PKM: variants seen among roughly 807,000 people sequenced by gnomAD.
PKM encodes pyruvate kinase PKM.
PKM carries 18 observed loss-of-function variants against 49.8 expected under a neutral mutation model. The observed-to-expected ratio is 0.36, with a 90% CI of 0.25 to 0.54. PKM has a LOEUF of 0.54. PKM is among the 20% of genes least tolerant of loss of function. The pLI, the probability that PKM is intolerant of heterozygous loss-of-function variation, is 0.89. For missense variants in PKM, 508 were observed against 713.8 expected, an observed-to-expected ratio of 0.71 and a Z score of 3.28; for synonymous variants, 239 against 261.8, an observed-to-expected ratio of 0.91 and a Z score of 0.84.
chr15:72,230,919 G>A, intron 1 of PKM, 197 bp downstream of exon 1: 1 of 1,287,162 alleles, frequency 7.8e-7, no homozygotes, highest in Non-Finnish European at 1.0e-6. Context: ...AAGGAACGGC[G>A]CTGGGGACTT....
chr15:72,203,279 T>A, intron 8 of PKM: 2 of 1,154,216 alleles, frequency 1.7e-6, no homozygotes, highest in South Asian at 2.5e-5. Flanking sequence ...ATGGGGAATT[T>A]ATCAGAGAGG....
Position 72,200,929 on chromosome 15 carries a change from C to A in PKM, c.1308-274G>T, listed in dbSNP as rs536239361. 7 of 422,948 alleles carry A rather than the reference C, an allele frequency of 1.7e-5. No individual in the cohort carries two copies. Among genetic ancestry groups the A allele is most frequent in the African/African-American group, 1.4e-4 (7 of 50,748 alleles). 26.2% of individuals were successfully genotyped at this position (422,948 alleles called of 1,614,324 possible). The stretch of plus-strand genomic sequence containing the variant: ...GCAAGATCAGCCTCACCCACTTACC[C>A]CACACAGCCCATGGTTGGCAGAACC... On this transcript the variant is annotated intron_variant, in intron 9 of 10. Transcript: ENST00000335181. This position sits in a 1 kb window ranked among gnomAD's most constrained non-coding sequence, Gnocchi z 4.6.
At chr15:72,210,290 T>C (rs2082216495) in intron 4 of PKM, 57 bp downstream of exon 4, 1 of 1,589,064 alleles carries the variant, frequency 6.3e-7, no homozygotes, top group Non-Finnish European at 8.6e-7. Context: ...TTGGAGGACA[T>C]GTCTCTGGGG....
At chr15:72,203,953 A>G (rs2082008876) in intron 8 of PKM, 1 of 152,286 alleles carries the variant, frequency 6.6e-6, no homozygotes, top group South Asian at 2.1e-4. Flanking sequence ...ACCAAGAATC[A>G]GAAAGACAAT....
At chr15:72,229,747 T>A (rs2082792354) in intron 1 of PKM, 1 of 1,151,438 alleles carries the variant, frequency 8.7e-7, no homozygotes, top group African/African-American at 1.6e-5. Flanking sequence ...CGTCTAGTCA[T>A]CCTGGTCTCT....
At chr15:72,208,569 A>G (rs1218418456) in intron 6 of PKM, 52 bp downstream of exon 6, 5 of 1,601,352 alleles carry the variant, frequency 3.1e-6, no homozygotes, top group Non-Finnish European at 4.3e-6. Flanking sequence ...AGGATGGACC[A>G]TGCCCTTCGG....
chr15:72,202,702 AAG>A lies in PKM; in HGVS notation c.1141-84_1141-83del. 8.0e-7 allele frequency: 1 copy of A among 1,248,396 alleles called. No homozygotes were observed. The highest frequency in any genetic ancestry group is 1.1e-6 in the Non-Finnish European group (1 of 870,428). The allele number at this position is 1,248,396 out of a possible 1,614,324, so 77.3% of individuals were successfully genotyped here. A position where few individuals can be genotyped will look rare whatever the true frequency, so the allele number is the denominator to read the frequency against. ...TTTGTCACAAAAGGAGAGGGAGGGG[AAG>A]AGTCACCGGACAGCTGGTGAGGAAC... On this transcript the variant is annotated intron_variant, in intron 8 of 10. Transcript: ENST00000335181. The surrounding 1 kb of genome is among the most constrained non-coding windows in gnomAD (Gnocchi z 4.5).
rs117834424 is a variant in PKM, at chr15:72,226,012, C to T, written c.-14+5104G>A. 1.1e-3 allele frequency among the ~76,000 whole-genome samples: 169 copies of T among 152,328 alleles called. 2 individuals carry two copies. Among genetic ancestry groups the T allele is most frequent in the Admixed American group, 1.7e-3 (26 of 15,296 alleles). On this transcript the variant is annotated intron_variant, in intron 1 of 10. Coordinates refer to ENST00000335181, the MANE Select transcript of PKM (RefSeq NM_002654.6). ...TACTGCCAGACTTTTTAAATGTTTG[C>T]CCATCGGTGACATTTGTTTTTCTGC...
chr15:72,221,541 C>T (rs73436397), intron 1 of PKM, among the ~76,000 whole-genome samples: 13 of 150,054 alleles, frequency 8.7e-5, no homozygotes, highest in Admixed American at 4.7e-4. Context: ...TTTAATAGGA[C>T]GTCATTGGGG....
chr15:72,229,720 C>T, intron 1 of PKM: 1 of 1,196,672 alleles, frequency 8.4e-7, no homozygotes, highest in Non-Finnish European at 1.1e-6. Context: ...AGATTGTGAG[C>T]TCGGTGGGCT....
At chr15:72,203,088 A>G (rs754827252) in intron 8 of PKM, 11 of 1,613,988 alleles carry the variant, frequency 6.8e-6, no homozygotes, top group South Asian at 1.1e-5. Flanking sequence ...CACGCTGCCC[A>G]TGGCCATGGC....
intron 9 of PKM, chr15:72,201,848 A>G (rs942319574): frequency 4.3e-5 from 7 of 161,602 alleles, no homozygotes; most frequent in Admixed American, 2.3e-4. Flanking sequence ...CCTAACTAGG[A>G]GAGTGAAGGA....
In PKM at chr15:72,217,463, C is replaced by T. The variant is rs2082404165; in HGVS notation, c.192G>A (p.Met64Ile). 6.2e-7 allele frequency: 1 copy of T among 1,612,982 alleles called. No individual in the cohort carries two copies. Among genetic ancestry groups the T allele is most frequent in the Non-Finnish European group, 8.5e-7 (1 of 1,178,940 alleles). ...ASRSVETLKEMIKSGMNVARL... is the reference protein window; with the variant it reads ...ASRSVETLKEIIKSGMNVARL... Reference sequence around the variant, plus strand: ...GAGCCACATTCATTCCAGACTTAATCATCTCCTTCAACGTCTCCACTGATC... The same window carrying T: ...GAGCCACATTCATTCCAGACTTAATTATCTCCTTCAACGTCTCCACTGATC... Residue 64 changes from methionine to isoleucine, a missense_variant, in exon 3 of 11, where the codon ATG becomes ATA. Coordinates refer to ENST00000335181, the MANE Select transcript of PKM (RefSeq NM_002654.6).
intron 1 of PKM, among the ~76,000 whole-genome samples, chr15:72,230,674 C>T (rs1054804359): frequency 6.6e-6 from 1 of 152,034 alleles, no homozygotes; most frequent in Admixed American, 6.6e-5. Context: ...GGGACACGCA[C>T]AGCTTGAAGA....
chr15:72,217,191 C>T (rs953386553), intron 3 of PKM, among the ~76,000 whole-genome samples: 3 of 152,138 alleles, frequency 2.0e-5, no homozygotes, highest in African/African-American at 7.2e-5. Context: ...CCACAGCCAG[C>T]AACAAAGGGG....
intron 1 of PKM, chr15:72,228,525 G>C: frequency 1.6e-6 from 1 of 616,100 alleles, no homozygotes. Context: ...ACTGAAAGGG[G>C]AGAAGGGACT....
chr15:72,229,465 G>T, intron 1 of PKM: 3 of 793,926 alleles, frequency 3.8e-6, no homozygotes, highest in Non-Finnish European at 5.5e-6. Flanking sequence ...CTTCACTGTC[G>T]GCCTCACTTT....
intron 1 of PKM, among the ~76,000 whole-genome samples, chr15:72,220,285 C>A (rs751183451): frequency 6.6e-6 from 1 of 152,200 alleles, no homozygotes; most frequent in Non-Finnish European, 1.5e-5. Context: ...TCCTCTTTAG[C>A]CCTTCCCCAC....
intron 1 of PKM, among the ~76,000 whole-genome samples, chr15:72,224,421 G>C (rs1371308560): frequency 3.9e-5 from 6 of 152,156 alleles, no homozygotes; most frequent in African/African-American, 1.4e-4. Flanking sequence ...GATAAAGGAG[G>C]AAAGGCAGTG....
Sources: gnomAD v4.1 joint callset for allele counts (sites outside exome capture counted in the v4.1 genomes callset) on GRCh38, gnomAD v4.1.1 for gene constraint, Gnocchi (gnomAD v3.1) non-coding constraint, MANE v1.5 for transcripts, NCBI Gene and HGNC (gene_info 2026-07-23, HGNC 2026-07-21) for gene names.